The following BBS12 variants were observed in gnomAD, a reference collection of about 807,000 sequenced individuals.
BBS12 encodes the protein chaperonin-containing T-complex member BBS12.
BBS12 carries 5 observed loss-of-function variants against 5.6 expected under a neutral mutation model. That is an observed-to-expected ratio of 0.89 (90% CI 0.46 to 1.86). BBS12 has a LOEUF of 1.86. Among genes scored for constraint, BBS12 ranks in the 40% most tolerant of loss-of-function variants. The pLI, the probability that BBS12 is intolerant of heterozygous loss-of-function variation, is 0.01. For missense variants in BBS12, 748 were observed against 830.4 expected (o/e 0.90, Z 1.22); for synonymous variants, 308 against 306.8 (o/e 1.00, Z -0.04).
the BBS12 span, among the ~76,000 whole-genome samples, chr4:122,706,007 G>A: frequency 6.6e-6 from 1 of 152,092 alleles, no homozygotes; most frequent in Non-Finnish European, 1.5e-5. Context: ...TTCCTTGTTT[G>A]CCCTTTTCAG....
At chr4:122,702,936 T>C in the BBS12 span, among the ~76,000 whole-genome samples, 1 of 152,242 alleles carries the variant, frequency 6.6e-6, no homozygotes, top group East Asian at 1.9e-4. Context: ...AGAATTAGAA[T>C]GTTTTAATAA....
chr4:122,700,852 TAATA>T, the BBS12 span, among the ~76,000 whole-genome samples: 1 of 152,208 alleles, frequency 6.6e-6, no homozygotes, highest in Non-Finnish European at 1.5e-5. Flanking sequence ...ATTTGATGCT[TAATA>T]AATGTTTGTT....
chr4:122,716,708 T>C, the BBS12 span, among the ~76,000 whole-genome samples: 366 of 57,450 alleles, frequency 6.4e-3, 22 homozygotes, highest in African/African-American at 0.029. Flanking sequence ...TGTGTATACA[T>C]ACACATATGT....
chr4:122,707,038 G>GTCTC, the BBS12 span, among the ~76,000 whole-genome samples: 646 of 97,320 alleles, frequency 6.6e-3, 22 homozygotes, highest in Middle Eastern at 0.031. Context: ...TATTCATTTT[G>GTCTC]TCTCTCTCTC....
Position 122,743,188 on chromosome 4 carries a change from G to A in BBS12, c.1296G>A (p.Leu432=). ...LIEKCINSKR[L]VIGSVNGSVM... ...AAAAATGTATAAACAGTAAGCGGTTGGTAATCGGCTCAGTGAATGGCAGTG... is the reference window on the plus strand; with the variant it reads ...AAAAATGTATAAACAGTAAGCGGTTAGTAATCGGCTCAGTGAATGGCAGTG... Residue 432 remains leucine (L), a synonymous_variant, in exon 2 of 2, where the codon TTG becomes TTA. Transcript: ENST00000314218. 5.0e-6 allele frequency: 8 copies of A among 1,614,210 alleles called. No individual in the cohort carries two copies. Among genetic ancestry groups the A allele is most frequent in the Non-Finnish European group, 5.9e-6 (7 of 1,180,048 alleles).
the BBS12 span, among the ~76,000 whole-genome samples, chr4:122,720,053 A>C: frequency 6.6e-6 from 1 of 152,252 alleles, no homozygotes; most frequent in Non-Finnish European, 1.5e-5. Flanking sequence ...ATCTGGCTAA[A>C]AAACAAGACC....
intron 1 of BBS12, among the ~76,000 whole-genome samples, chr4:122,736,876 C>T (rs1203457616): frequency 6.6e-6 from 1 of 152,080 alleles, no homozygotes; most frequent in Non-Finnish European, 1.5e-5. Flanking sequence ...TTTAGGAGCT[C>T]TTCTAGAGTT....
chr4:122,722,492 C>A, the BBS12 span, among the ~76,000 whole-genome samples: 1 of 152,280 alleles, frequency 6.6e-6, no homozygotes, highest in East Asian at 1.9e-4. Context: ...AAGCAGACAA[C>A]TAATGTCTTT....
chr4:122,704,987 T>C, the BBS12 span, among the ~76,000 whole-genome samples: 1 of 152,196 alleles, frequency 6.6e-6, no homozygotes, highest in South Asian at 2.1e-4. Flanking sequence ...TTTGGGCAAC[T>C]GAAGGAAGTG....
the BBS12 span, among the ~76,000 whole-genome samples, chr4:122,722,045 G>A: frequency 1.3e-5 from 2 of 151,854 alleles, no homozygotes; most frequent in East Asian, 3.9e-4. Flanking sequence ...ATTTTCTCCT[G>A]GAAGCTTTAT....
the BBS12 span, among the ~76,000 whole-genome samples, chr4:122,727,100 A>ATT: frequency 5.9e-5 from 9 of 151,834 alleles, no homozygotes; most frequent in African/African-American, 1.9e-4. Context: ...AAATAAAAAC[A>ATT]TTTTTTTAAA....
In BBS12 at chr4:122,744,817, G is replaced by A. The variant is rs1800963154; in HGVS notation, c.*792G>A. Reference sequence around the variant, plus strand: ...TATTAACCTCAGTCCTGTCCCCCAAGGTCTTGACTCAATCAACTCTAAGTT... The same window carrying A: ...TATTAACCTCAGTCCTGTCCCCCAAAGTCTTGACTCAATCAACTCTAAGTT... On this transcript the variant is annotated 3_prime_UTR_variant, in exon 2 of 2. Coordinates refer to ENST00000314218, the MANE Select transcript of BBS12 (RefSeq NM_152618.3). 1 of 166,952 alleles carries A rather than the reference G, an allele frequency of 6.0e-6. No homozygotes were observed. Among genetic ancestry groups the A allele is most frequent in the African/African-American group, 2.4e-5 (1 of 41,344 alleles). 10.3% of individuals were successfully genotyped at this position (166,952 alleles called of 1,614,324 possible).
chr4:122,727,521 G>A, the BBS12 span, among the ~76,000 whole-genome samples: 1 of 144,454 alleles, frequency 6.9e-6, no homozygotes, highest in Non-Finnish European at 1.5e-5. Context: ...GAGATTACAG[G>A]CATGAGCCAC....
chr4:122,740,130 G>A (rs1055728442), intron 1 of BBS12, among the ~76,000 whole-genome samples: 14 of 151,998 alleles, frequency 9.2e-5, no homozygotes, highest in Non-Finnish European at 4.4e-5. Flanking sequence ...AAAATTAGCC[G>A]GGTATGGTGG....
Position 122,742,744 on chromosome 4 carries a change from G to A in BBS12, c.852G>A (p.Lys284=), listed in dbSNP as rs1800902588. The A allele has an allele frequency of 1.2e-6, 2 of 1,614,244 alleles. No homozygotes were observed. The highest frequency in any genetic ancestry group is 1.3e-5 in the African/African-American group (1 of 75,072). ...GLSHGDHSSM[K]LVEEAVQLQY... is the part of the protein sequence containing the mutation. ...GTCATGGAGATCACAGCAGCATGAA[G>A]TTAGTAGAAGAAGCAGTACAGCTGC... The change falls in exon 2 of 2, where the codon AAG becomes AAA. Residue 284 remains lysine (K), a synonymous_variant. Transcript: ENST00000314218.
the BBS12 span, among the ~76,000 whole-genome samples, chr4:122,726,991 T>C: frequency 3.3e-5 from 5 of 151,978 alleles, no homozygotes; most frequent in Non-Finnish European, 2.9e-5. Flanking sequence ...AAACTACAAA[T>C]TGGGTTCAGT....
the BBS12 span, among the ~76,000 whole-genome samples, chr4:122,710,161 A>G: frequency 0.089 from 13,605 of 152,204 alleles, 1,628 homozygotes; most frequent in African/African-American, 0.27. Context: ...GCGTAGGCAC[A>G]TCATCCCTCT....
At chr4:122,727,544 A>ATTTTTTTTTGTTT in the BBS12 span, among the ~76,000 whole-genome samples, 1 of 82,302 alleles carries the variant, frequency 1.2e-5, no homozygotes, top group Non-Finnish European at 2.1e-5. Flanking sequence ...CCCCTGGCCA[A>ATTTTTTTTTGTTT]TTTTTTTTTT....
the BBS12 span, among the ~76,000 whole-genome samples, chr4:122,717,937 T>C: frequency 6.6e-6 from 1 of 152,156 alleles, no homozygotes; most frequent in Non-Finnish European, 1.5e-5. Flanking sequence ...GTTAAAAGCA[T>C]AGAGTGTGGA....
Sources: gnomAD v4.1 joint callset for allele counts (sites outside exome capture counted in the v4.1 genomes callset) on GRCh38, gnomAD v4.1.1 for gene constraint, MANE v1.5 for transcripts, NCBI Gene and HGNC (gene_info 2026-07-23, HGNC 2026-07-21) for gene names.